The following DNAL1 variants were observed in gnomAD, a reference collection of about 807,000 sequenced individuals.
DNAL1 encodes chromosome 14 open reading frame 168.
Under a neutral mutation model 29.4 loss-of-function variants are expected in DNAL1, and 17 were observed. That is an observed-to-expected ratio of 0.58 (90% confidence interval 0.40 to 0.87). DNAL1 has a LOEUF of 0.87. DNAL1 is among the 40% of genes least tolerant of loss of function. DNAL1 has a pLI of 0.00. For missense variants in DNAL1, 188 were observed against 214.1 expected, an observed-to-expected ratio of 0.88 and a Z score of 0.76; for synonymous variants, 78 against 76.3, an observed-to-expected ratio of 1.02 and a Z score of -0.12.
intron 4 of DNAL1, among the ~76,000 whole-genome samples, chr14:73,668,740 G>T (rs1040929160): frequency 6.6e-6 from 1 of 151,916 alleles, no homozygotes; most frequent in Non-Finnish European, 1.5e-5. Context: ...GCAATGGCAC[G>T]ATCTTGGCTC....
Position 73,658,834 on chromosome 14 carries a change from A to AT in DNAL1, c.43-8dup, listed in dbSNP as rs1891274171. 1 of 1,591,172 alleles carries AT rather than the reference A, an allele frequency of 6.3e-7. No homozygotes were observed. The highest frequency in any genetic ancestry group is 1.1e-5 in the South Asian group (1 of 87,192). On this transcript the variant is annotated splice_polypyrimidine_tract_variant and intron_variant, in intron 2 of 7. Transcript: ENST00000553645. Reference sequence around the variant, plus strand: ...ATCATGGGTTATTTCTTCCAAATGTATTTTTCTCATAGGAAGAGAAAACTG... The same window carrying AT: ...ATCATGGGTTATTTCTTCCAAATGTATTTTTTCTCATAGGAAGAGAAAACTG...
rs1024091666 is a variant in DNAL1, at chr14:73,702,624, A to C, written c.*6682A>C. The C allele has an allele frequency of 6.6e-6, 1 of 152,202 alleles. No individual in the cohort carries two copies. Among genetic ancestry groups the C allele is most frequent in the African/African-American group, 2.4e-5 (1 of 41,448 alleles). The allele number at this position is 152,202 out of a possible 1,614,324, so 9.4% of individuals were successfully genotyped here. ...AGTCCTCACCTGATTACCAGAAGGT[A>C]CGCAAGGTAAAAGTTAGCTGATAGG... On this transcript the variant is annotated 3_prime_UTR_variant, in exon 8 of 8. Coordinates refer to ENST00000553645, the MANE Select transcript of DNAL1 (RefSeq NM_031427.4).
At position 73,654,879 on chromosome 14, in the gene DNAL1, G is replaced by A. The variant is rs267604049; in HGVS notation, c.36G>A (p.Ala12=). ...CAACAACAATCAAAGAAGCCTTAGC[G>A]AGATGGGTGAGTACATGAGTTTTTC... ...AKATTIKEAL[A]RWEEKTGQRP... The change falls in exon 2 of 8, where the codon GCG becomes GCA. Residue 12 remains alanine (A), a synonymous_variant. Coordinates refer to ENST00000553645, the MANE Select transcript of DNAL1 (RefSeq NM_031427.4). 9.7e-6 allele frequency: 15 copies of A among 1,539,630 alleles called. No individual in the cohort carries two copies. The East Asian group carries it at 9.8e-5, about 10-fold the overall frequency.
chr14:73,659,085 C>T (rs1266337273), intron 3 of DNAL1, 129 bp downstream of exon 3: 8 of 619,806 alleles, frequency 1.3e-5, no homozygotes, highest in African/African-American at 3.8e-5. Flanking sequence ...GTGTAATTCT[C>T]TCTTTGGCAA....
chr14:73,693,538 A>T (rs2140064857), intron 7 of DNAL1, among the ~76,000 whole-genome samples: 1 of 151,978 alleles, frequency 6.6e-6, no homozygotes, highest in South Asian at 2.1e-4. Flanking sequence ...GAATCATACA[A>T]ACATAGTGTT....
rs1323933233 is a variant in DNAL1, at chr14:73,698,604, TG to T, written c.*2664del. ...GACCACAGGCACGTGCCATCATGCC[TG>T]GCCTATTTTTGTATTTTTAGTAGAG... On this transcript the variant is annotated 3_prime_UTR_variant, in exon 8 of 8. Coordinates refer to ENST00000553645, the MANE Select transcript of DNAL1 (RefSeq NM_031427.4). 1 of 152,130 alleles carries T rather than the reference TG, an allele frequency of 6.6e-6. No homozygotes were observed. Among genetic ancestry groups the T allele is most frequent in the Non-Finnish European group, 1.5e-5 (1 of 68,040 alleles). The allele number at this position is 152,130 out of a possible 1,614,324, so 9.4% of individuals were successfully genotyped here. A position where few individuals can be genotyped will look rare whatever the true frequency, so the allele number is the denominator to read the frequency against.
intron 2 of DNAL1, among the ~76,000 whole-genome samples, chr14:73,655,717 T>C (rs1013740641): frequency 1.3e-5 from 2 of 152,000 alleles, no homozygotes; most frequent in Non-Finnish European, 2.9e-5. Context: ...TCATATGAGT[T>C]GTGGATTATC....
rs993895942 is a variant in DNAL1, at chr14:73,690,724, G to A, written c.532+1209G>A. Among the ~76,000 whole-genome samples the A allele has an allele frequency of 2.6e-5, 4 of 151,436 alleles. No homozygotes were observed. The South Asian group carries it at 8.3e-4, about 32-fold the overall frequency. Reference sequence around the variant, plus strand: ...TTCCATGTCTATCTACTATCTACTTGTACTTTTATGTAAAAGAAAAATAAA... The same window carrying A: ...TTCCATGTCTATCTACTATCTACTTATACTTTTATGTAAAAGAAAAATAAA... On this transcript the variant is annotated intron_variant, in intron 7 of 7. Transcript: ENST00000553645.
At chr14:73,648,666 C>T (rs1315211387) in intron 1 of DNAL1, among the ~76,000 whole-genome samples, 2 of 148,516 alleles carry the variant, frequency 1.3e-5, no homozygotes, top group Non-Finnish European at 1.5e-5. Context: ...ATGGCCACCT[C>T]GGCCTCCCAA....
intron 6 of DNAL1, 143 bp downstream of exon 6, chr14:73,687,528 C>A: frequency 1.0e-6 from 1 of 976,598 alleles, no homozygotes; most frequent in Non-Finnish European, 1.4e-6. Context: ...CAGAGAGAAA[C>A]AGCAATAGGA....
At chr14:73,686,993 A>C (rs1217042054) in intron 5 of DNAL1, among the ~76,000 whole-genome samples, 1 of 150,746 alleles carries the variant, frequency 6.6e-6, no homozygotes, top group Non-Finnish European at 1.5e-5. Flanking sequence ...AGTATTAGTA[A>C]CGTATTATGT....
chr14:73,694,010 A>G, intron 7 of DNAL1, among the ~76,000 whole-genome samples: 1 of 152,078 alleles, frequency 6.6e-6, no homozygotes, highest in East Asian at 1.9e-4. Context: ...CGTAAAGAAC[A>G]TGTCCCTCTT....
chr14:73,702,102 T>TGTGTGTGC lies in DNAL1; in HGVS notation c.*6163_*6164insTGTGCGTG, dbSNP rs1892451124. ...TGGTGTGTGTGTGTGTGTGTGTGTGTGTGCACGTGCATGAGAGAGAGTGAA... is the reference window on the plus strand; with the variant it reads ...TGGTGTGTGTGTGTGTGTGTGTGTGTGTGTGTGCGTGCACGTGCATGAGAGAGAGTGAA... On this transcript the variant is annotated 3_prime_UTR_variant, in exon 8 of 8. Transcript: ENST00000553645. 1 of 149,632 alleles carries TGTGTGTGC rather than the reference T, an allele frequency of 6.7e-6. No homozygotes were observed. The highest frequency in any genetic ancestry group is 1.5e-5 in the Non-Finnish European group (1 of 67,524). 9.3% of individuals were successfully genotyped at this position (149,632 alleles called of 1,614,324 possible).
intron 7 of DNAL1, 116 bp downstream of exon 7, chr14:73,689,631 A>C: frequency 6.9e-7 from 1 of 1,440,460 alleles, no homozygotes; most frequent in Non-Finnish European, 9.5e-7. Flanking sequence ...CTTCCAGGTC[A>C]TTTCTATCTA....
chr14:73,678,485 G>A (rs951367568), intron 5 of DNAL1, among the ~76,000 whole-genome samples: 2 of 145,678 alleles, frequency 1.4e-5, no homozygotes. Context: ...GTTATGTAAA[G>A]TATTCAAATA....
At chr14:73,689,928 C>T (rs1018209652) in intron 7 of DNAL1, among the ~76,000 whole-genome samples, 9 of 150,324 alleles carry the variant, frequency 6.0e-5, no homozygotes, top group East Asian at 2.0e-4. Flanking sequence ...CCCAGCTACT[C>T]GGGAGGCTGA....
Position 73,655,538 on chromosome 14 carries a change from T to G in DNAL1, c.42+653T>G, listed in dbSNP as rs144471175. Among the ~76,000 whole-genome samples, 1,256 of 151,670 alleles carry G rather than the reference T, an allele frequency of 8.3e-3. 24 individuals are homozygous for G. The highest frequency in any genetic ancestry group is 0.029 in the African/African-American group (1,190 of 41,352). On this transcript the variant is annotated intron_variant, in intron 2 of 7. Coordinates refer to ENST00000553645, the MANE Select transcript of DNAL1 (RefSeq NM_031427.4). Reference sequence around the variant, plus strand: ...TTTTTTGTATTTTTAGTAGAGATGGTGTTTCATCGTGTTGGTCAGGCTGGT... The same window carrying G: ...TTTTTTGTATTTTTAGTAGAGATGGGGTTTCATCGTGTTGGTCAGGCTGGT...
chr14:73,664,363 A>G (rs1489818784), intron 4 of DNAL1, among the ~76,000 whole-genome samples: 4 of 152,130 alleles, frequency 2.6e-5, no homozygotes, highest in African/African-American at 9.7e-5. Flanking sequence ...TATCATTTGA[A>G]TATCATTATA....
chr14:73,687,400 GC>G lies in DNAL1; in HGVS notation c.391+18del. ...AAAAGACTGGGGTAAGCTGAGAGTG[GC>G]CCTTTGCTAACCTTCTACCGCCTGT... On this transcript the variant is annotated intron_variant, in intron 6 of 7. Coordinates refer to ENST00000553645, the MANE Select transcript of DNAL1 (RefSeq NM_031427.4). 2 of 1,568,512 alleles carry G rather than the reference GC, an allele frequency of 1.3e-6. No homozygotes were observed. The highest frequency in any genetic ancestry group is 1.7e-6 in the Non-Finnish European group (2 of 1,158,520).
Sources: gnomAD v4.1 joint callset for allele counts (sites outside exome capture counted in the v4.1 genomes callset) on GRCh38, gnomAD v4.1.1 for gene constraint, MANE v1.5 for transcripts, NCBI Gene and HGNC (gene_info 2026-07-23, HGNC 2026-07-21) for gene names.